SFSWAP: variants seen among roughly 807,000 people sequenced by gnomAD.
SFSWAP encodes the protein splicing factor, suppressor of white-apricot homolog.
In SFSWAP, 17 loss-of-function variants were observed where a neutral mutation model predicts 100.7. The observed-to-expected ratio is 0.17, with a 90% CI of 0.12 to 0.25. The LOEUF (loss-of-function observed/expected upper bound fraction) is 0.25. SFSWAP is among the 10% of genes least tolerant of loss of function. The pLI, the probability that SFSWAP is intolerant of heterozygous loss-of-function variation, is 1.00. For missense variants in SFSWAP, 1,005 were observed against 1,262.6 expected (o/e 0.80, Z 3.09); for synonymous variants, 504 against 510.1 (o/e 0.99, Z 0.16).
chr12:131,738,166 T>C (rs1880219798), intron 7 of SFSWAP, among the ~76,000 whole-genome samples: 1 of 152,226 alleles, frequency 6.6e-6, no homozygotes, highest in South Asian at 2.1e-4. Flanking sequence ...TCTATCCCTG[T>C]TTTTTAAATG....
At chr12:131,791,721 G>A (rs890728932) in intron 15 of SFSWAP, among the ~76,000 whole-genome samples, 2 of 152,188 alleles carry the variant, frequency 1.3e-5, no homozygotes, top group East Asian at 1.9e-4. Flanking sequence ...TCCAGCCCGC[G>A]ACAGTGCAAG....
At chr12:131,788,123 C>T (rs945960346) in intron 15 of SFSWAP, among the ~76,000 whole-genome samples, 3 of 152,230 alleles carry the variant, frequency 2.0e-5, no homozygotes, top group Admixed American at 2.0e-4. Context: ...AATTCCGTCT[C>T]AACAGAAGAG....
intron 7 of SFSWAP, among the ~76,000 whole-genome samples, chr12:131,741,260 C>A (rs1462843030): frequency 6.6e-6 from 1 of 152,046 alleles, no homozygotes; most frequent in Non-Finnish European, 1.5e-5. Context: ...GCCACCGTGC[C>A]CAGCCTAGGG....
At chr12:131,775,935 C>G (rs1051266149) in intron 13 of SFSWAP, among the ~76,000 whole-genome samples, 1 of 85,412 alleles carries the variant, frequency 1.2e-5, no homozygotes, top group Non-Finnish European at 2.5e-5. Flanking sequence ...ACTAAAAATA[C>G]AAAAAAAAAA....
rs913693029 is a variant in SFSWAP at position 131,734,198 on chromosome 12, G to A, written c.1081+5770G>A. Among the ~76,000 whole-genome samples, 1 of 152,226 alleles carries A rather than the reference G, an allele frequency of 6.6e-6. No individual in the cohort carries two copies. The highest frequency in any genetic ancestry group is 1.5e-5 in the Non-Finnish European group (1 of 68,044). ...TTCATCGCTGGCTCCTGCCGCCCTC[G>A]AGGACTTGAAGGCTGACGTTGGGCT... On this transcript the variant is annotated intron_variant, in intron 7 of 17. Coordinates refer to ENST00000261674, the MANE Select transcript of SFSWAP (RefSeq NM_004592.4). The surrounding 1 kb of genome is among the most constrained non-coding windows in gnomAD (Gnocchi z 4.9).
intron 15 of SFSWAP, among the ~76,000 whole-genome samples, chr12:131,791,815 CTT>C (rs370637094): frequency 2.6e-5 from 4 of 152,394 alleles, no homozygotes; most frequent in South Asian, 4.1e-4. Flanking sequence ...CATCTCATCT[CTT>C]GAGTCCATCA....
At chr12:131,740,489 GA>G (rs1880501065) in intron 7 of SFSWAP, among the ~76,000 whole-genome samples, 1 of 152,150 alleles carries the variant, frequency 6.6e-6, no homozygotes, top group Non-Finnish European at 1.5e-5. Flanking sequence ...TTCAGTCAGA[GA>G]TTCAGTTCTC....
intron 15 of SFSWAP, among the ~76,000 whole-genome samples, chr12:131,793,409 C>A (rs1177293691): frequency 1.3e-5 from 2 of 152,162 alleles, no homozygotes; most frequent in Non-Finnish European, 1.5e-5. Context: ...ACAAAACTTG[C>A]ATGAACAGCT....
At chr12:131,766,655 G>C (rs1007384862) in intron 13 of SFSWAP, among the ~76,000 whole-genome samples, 1 of 152,172 alleles carries the variant, frequency 6.6e-6, no homozygotes, top group Non-Finnish European at 1.5e-5. Context: ...CTGAAGCCCC[G>C]CCTCCGCAGC....
chr12:131,738,607 G>A (rs1880270522), intron 7 of SFSWAP, among the ~76,000 whole-genome samples: 1 of 152,124 alleles, frequency 6.6e-6, no homozygotes, highest in South Asian at 2.1e-4. Context: ...TCTGAAAAAA[G>A]GTTAGGAGAA....
intron 7 of SFSWAP, among the ~76,000 whole-genome samples, chr12:131,745,921 C>T (rs367766572): frequency 7.9e-5 from 12 of 152,312 alleles, no homozygotes; most frequent in Non-Finnish European, 1.2e-4. Flanking sequence ...CAGAGTGGGC[C>T]GCTTCCTGGC....
Position 131,717,597 on chromosome 12 carries a change from A to C in SFSWAP, c.521-1857A>C, listed in dbSNP as rs945890520. On this transcript the variant is annotated intron_variant, in intron 3 of 17. Coordinates refer to ENST00000261674, the MANE Select transcript of SFSWAP (RefSeq NM_004592.4). ...CAAATCTGTTTAACCCATCAATCCCAAAAAGCTATTTCAATTAAAATGCCT... is the reference window on the plus strand; with the variant it reads ...CAAATCTGTTTAACCCATCAATCCCCAAAAGCTATTTCAATTAAAATGCCT... Among the ~76,000 whole-genome samples, 4 of 152,246 alleles carry C rather than the reference A, an allele frequency of 2.6e-5. No homozygotes were observed. The South Asian group carries it at 8.3e-4, about 32-fold the overall frequency.
intron 7 of SFSWAP, among the ~76,000 whole-genome samples, chr12:131,728,803 G>A (rs1041047458): frequency 6.6e-6 from 1 of 151,046 alleles, no homozygotes; most frequent in African/African-American, 2.4e-5. Flanking sequence ...AAACTCAAAC[G>A]ATCCTCCCAC....
chr12:131,765,440 G>T lies in SFSWAP; in HGVS notation c.1952-678G>T, dbSNP rs1411736999. On this transcript the variant is annotated intron_variant, in intron 12 of 17. Transcript: ENST00000261674. ...AAGGTGGGTGGATCACCTGAGGTCAGAAGTTAGAAACCAGCCTGGCCAACA... is the reference window on the plus strand; with the variant it reads ...AAGGTGGGTGGATCACCTGAGGTCATAAGTTAGAAACCAGCCTGGCCAACA... Among the ~76,000 whole-genome samples, 4 of 152,178 alleles carry T rather than the reference G, an allele frequency of 2.6e-5. No individual in the cohort carries two copies. The East Asian group carries it at 7.7e-4, about 29-fold the overall frequency.
intron 4 of SFSWAP, among the ~76,000 whole-genome samples, chr12:131,719,875 G>C (rs563422328): frequency 1.3e-5 from 2 of 152,290 alleles, no homozygotes; most frequent in South Asian, 2.1e-4. Flanking sequence ...AGATGTAAAA[G>C]CACTCAAGAT....
Position 131,714,921 on chromosome 12 carries a change from C to T in SFSWAP, c.488C>T (p.Pro163Leu). Residue 163 changes from proline (P) to leucine (L), a missense_variant, in exon 3 of 18, where the codon CCG becomes CTG. Physicochemically the swap from Pro to Leu is moderately conservative, Grantham distance 98. This residue lies in a region of SFSWAP where 237 missense variants were observed against 337.0 expected (regional missense o/e 0.70). Transcript: ENST00000261674. The surrounding 1 kb of genome is among the most constrained non-coding windows in gnomAD (Gnocchi z 6.0). The part of the protein sequence containing the change: ...YGSDYYDPSE[P>L]TEEEEPSKQR... Reference sequence around the variant, plus strand: ...AGCGACTATTACGACCCGTCAGAGCCGACGGAGGAGGAGGAGCCTTCCAAA... The same window carrying T: ...AGCGACTATTACGACCCGTCAGAGCTGACGGAGGAGGAGGAGCCTTCCAAA... 6.2e-7 allele frequency: 1 copy of T among 1,614,078 alleles called. No individual in the cohort carries two copies. The highest frequency in any genetic ancestry group is 8.5e-7 in the Non-Finnish European group (1 of 1,180,010).
chr12:131,747,315 G>A (rs1223088705), intron 7 of SFSWAP, among the ~76,000 whole-genome samples: 1 of 152,144 alleles, frequency 6.6e-6, no homozygotes, highest in Non-Finnish European at 1.5e-5. Context: ...CATGACAAGG[G>A]GACCAGGGTT....
chr12:131,761,548 G>T (rs61942903), intron 11 of SFSWAP, among the ~76,000 whole-genome samples: 10,463 of 152,268 alleles, frequency 0.069, 395 homozygotes, highest in Middle Eastern at 0.12. Context: ...CTCAGGCAGA[G>T]GTGAGGGGCA....
intron 16 of SFSWAP, among the ~76,000 whole-genome samples, chr12:131,797,576 G>A (rs1885777355): frequency 6.6e-6 from 1 of 152,252 alleles, no homozygotes; most frequent in African/African-American, 2.4e-5. Flanking sequence ...CTGTACTGGG[G>A]AGACCCTCCT....
Sources: allele counts gnomAD v4.1 joint callset (sites outside exome capture counted in the v4.1 genomes callset), GRCh38; gene constraint gnomAD v4.1.1; regional missense constraint gnomAD v4.1.1; non-coding constraint Gnocchi (gnomAD v3.1); transcripts MANE v1.5; gene names NCBI Gene and HGNC (gene_info 2026-07-23, HGNC 2026-07-21).